CRISP1: variants seen among roughly 807,000 people sequenced by gnomAD.
CRISP1 encodes the protein cysteine-rich secretory protein 1.
A neutral mutation model predicts 33.1 loss-of-function variants in CRISP1; 44 were observed. The observed-to-expected ratio is 1.33, with a 90% CI of 1.05 to 1.71. The LOEUF (loss-of-function observed/expected upper bound fraction) is 1.71, where lower values mean the gene tolerates loss of function less well. Ranked by LOEUF, CRISP1 falls within the 40% of genes most tolerant of loss-of-function variation. CRISP1 has a pLI of 0.00. For missense variants in CRISP1, 390 were observed against 301.2 expected, an observed-to-expected ratio of 1.29 and a Z score of -2.18; for synonymous variants, 103 against 98.7, an observed-to-expected ratio of 1.04 and a Z score of -0.26.
At chr6:49,870,647 CT>C (rs1207218129), upstream of CRISP1, among the ~76,000 whole-genome samples, 3 of 152,120 alleles carry the variant, frequency 2.0e-5, no homozygotes, top group African/African-American at 7.2e-5. Flanking sequence ...AATTTCTAAC[CT>C]TCAGTTTCTT....
At chr6:49,854,632 T>C (rs576948491) in intron 2 of CRISP1, among the ~76,000 whole-genome samples, 1 of 152,228 alleles carries the variant, frequency 6.6e-6, no homozygotes, top group Non-Finnish European at 1.5e-5. Context: ...TCTCTTTCCC[T>C]ATCAATATTC....
At chr6:49,876,581 AC>A (rs1438618528) in intron 1 of CRISP1, among the ~76,000 whole-genome samples, 4 of 152,046 alleles carry the variant, frequency 2.6e-5, no homozygotes, top group African/African-American at 9.7e-5. Flanking sequence ...AGATACATGC[AC>A]ATGTGTGTTC....
chr6:49,846,388 T>A, intron 5 of CRISP1, 132 bp downstream of exon 5: 1 of 919,496 alleles, frequency 1.1e-6, no homozygotes, highest in Non-Finnish European at 1.6e-6. Flanking sequence ...TTTCAAATTA[T>A]AAGAGGAACT....
chr6:49,861,927 C>A (rs1193369948), intron 1 of CRISP1, among the ~76,000 whole-genome samples: 1 of 151,718 alleles, frequency 6.6e-6, no homozygotes, highest in Non-Finnish European at 1.5e-5. Context: ...CCATATATGA[C>A]AAATCCACAT....
At chr6:49,871,233 G>A (rs1459293273), upstream of CRISP1, among the ~76,000 whole-genome samples, 1 of 151,738 alleles carries the variant, frequency 6.6e-6, no homozygotes, top group Non-Finnish European at 1.5e-5. Flanking sequence ...CCATCTCCAT[G>A]CCAGGTGAGA....
rs1244932026 is a variant in CRISP1 at position 49,846,684 on chromosome 6, G to A, written c.287-16C>T. 2.5e-6 allele frequency: 4 copies of A among 1,611,538 alleles called. No homozygotes were observed. The highest frequency in any genetic ancestry group is 1.3e-5 in the African/African-American group (1 of 74,834). The stretch of plus-strand genomic sequence containing the variant: ...CAAAAGGTATCTGAAATGAGAAAAC[G>A]GGCTGGGTCATACTCTGAACAAATG... On this transcript the variant is annotated splice_polypyrimidine_tract_variant and intron_variant, in intron 4 of 7. Transcript: ENST00000335847.
intron 1 of CRISP1, among the ~76,000 whole-genome samples, chr6:49,862,700 T>G (rs2127477421): frequency 6.6e-6 from 1 of 152,052 alleles, no homozygotes. Flanking sequence ...GCAACTATGC[T>G]AAGGGAAACT....
In CRISP1 at chr6:49,834,270, T is replaced by C. The variant is rs1770706766; in HGVS notation, c.*1046A>G. 6.6e-6 allele frequency: 1 copy of C among 151,836 alleles called. No homozygotes were observed. Among genetic ancestry groups the C allele is most frequent in the Admixed American group, 6.6e-5 (1 of 15,250 alleles). The allele number at this position is 151,836 out of a possible 1,614,324, so 9.4% of individuals were successfully genotyped here. On this transcript the variant is annotated 3_prime_UTR_variant, in exon 8 of 8. Transcript: ENST00000335847. ...GTGGGTGATGTCTTTTTTTTTTTTT[T>C]CAAACACTTTATTGAAATGAGTAAA... is the stretch of plus-strand genomic sequence containing the variant.
At chr6:49,853,915 C>T (rs915182335) in intron 2 of CRISP1, among the ~76,000 whole-genome samples, 7 of 152,160 alleles carry the variant, frequency 4.6e-5, no homozygotes, top group Non-Finnish European at 1.0e-4. Context: ...CAACACATAT[C>T]TGCATGACCC....
At chr6:49,866,282 A>T (rs933822871) in intron 1 of CRISP1, 147 bp downstream of exon 1, 1 of 152,192 alleles carries the variant, frequency 6.6e-6, no homozygotes, top group Admixed American at 6.6e-5. Flanking sequence ...AAGCATGGAG[A>T]TAACTAACAT....
chr6:49,870,179 G>GTCTGGCAA (rs1771890417), upstream of CRISP1, among the ~76,000 whole-genome samples: 1 of 152,156 alleles, frequency 6.6e-6, no homozygotes, highest in South Asian at 2.1e-4. Flanking sequence ...CCAATACCAA[G>GTCTGGCAA]TCTGGCAATC....
intron 2 of CRISP1, among the ~76,000 whole-genome samples, chr6:49,852,573 C>T (rs1771381213): frequency 6.6e-6 from 1 of 152,052 alleles, no homozygotes; most frequent in Non-Finnish European, 1.5e-5. Flanking sequence ...AGGTGTGTGT[C>T]TGGGGTAACC....
At position 49,843,273 on chromosome 6, in the gene CRISP1, C is replaced by G. The variant is rs562909376; in HGVS notation, c.436-2278G>C. Among the ~76,000 whole-genome samples, 4 of 151,946 alleles carry G rather than the reference C, an allele frequency of 2.6e-5. No homozygotes were observed. The South Asian group carries it at 6.2e-4, about 24-fold the overall frequency. On this transcript the variant is annotated intron_variant, in intron 5 of 7. Coordinates refer to ENST00000335847, the MANE Select transcript of CRISP1 (RefSeq NM_001131.3). ...ATACTCCTGGATTCCTGCCACATAC[C>G]CTTTGTGTCTAAGTGTATCAATCTT...
At chr6:49,843,223 A>G (rs1412455020) in intron 5 of CRISP1, among the ~76,000 whole-genome samples, 2 of 152,168 alleles carry the variant, frequency 1.3e-5, no homozygotes, top group African/African-American at 2.4e-5. Context: ...GATAAGGTAA[A>G]TTATATGATT....
chr6:49,839,162 C>G (rs975554186), intron 6 of CRISP1, among the ~76,000 whole-genome samples: 1 of 145,160 alleles, frequency 6.9e-6, no homozygotes, highest in Non-Finnish European at 1.5e-5. Flanking sequence ...GGGCAGGGCT[C>G]AATGACTTAT....
At chr6:49,869,144 G>A (rs568510408), upstream of CRISP1, among the ~76,000 whole-genome samples, 9 of 152,262 alleles carry the variant, frequency 5.9e-5, no homozygotes, top group African/African-American at 1.9e-4. Context: ...GCTTGACTGA[G>A]CACATTTGGT....
upstream of CRISP1, among the ~76,000 whole-genome samples, chr6:49,866,862 G>A (rs997512098): frequency 6.6e-6 from 1 of 152,038 alleles, no homozygotes; most frequent in African/African-American, 2.4e-5. Context: ...TATTTATTGA[G>A]GTCTTAAGAT....
At chr6:49,857,807 G>A (rs1375839693) in intron 1 of CRISP1, among the ~76,000 whole-genome samples, 3 of 152,120 alleles carry the variant, frequency 2.0e-5, no homozygotes, top group Admixed American at 1.3e-4. Flanking sequence ...TGTCAGTGAT[G>A]AGCATGAGAC....
intron 1 of CRISP1, among the ~76,000 whole-genome samples, chr6:49,875,659 C>T (rs1047828181): frequency 6.6e-6 from 1 of 152,086 alleles, no homozygotes; most frequent in Non-Finnish European, 1.5e-5. Flanking sequence ...TACTACAAGG[C>T]TACAGTAATC....
Sources: allele counts gnomAD v4.1 joint callset (sites outside exome capture counted in the v4.1 genomes callset), GRCh38; gene constraint gnomAD v4.1.1; transcripts MANE v1.5; gene names NCBI Gene and HGNC (gene_info 2026-07-23, HGNC 2026-07-21).